Variants in GOLGA1 observed in about 807,000 individuals in gnomAD.
The protein encoded by GOLGA1 is golgin subfamily A member 1.
GOLGA1 carries 63 observed loss-of-function variants against 119.7 expected under a neutral mutation model. The ratio of observed to expected loss-of-function variants is 0.53; its 90% confidence interval spans 0.43 to 0.65. The LOEUF is 0.65. GOLGA1 is among the 30% of genes least tolerant of loss of function. GOLGA1 has a pLI of 0.00. For missense variants in GOLGA1, 798 were observed against 912.8 expected (o/e 0.87, Z 1.62); for synonymous variants, 318 against 333.4 (o/e 0.95, Z 0.50).
Position 124,931,360 on chromosome 9 carries a change from A to G in GOLGA1, c.182T>C (p.Leu61Pro), listed in dbSNP as rs763976726. The part of the protein sequence containing the change: ...SSREDLSSQL[L>P]RRNEQIRKLE... ...CTTCCGTATCTGTTCATTCCTTCTC[A>G]GAAGCTGGGATGAAAGATCTTCTCT... is the stretch of plus-strand genomic sequence containing the variant. Residue 61 changes from leucine to proline, a missense_variant, in exon 4 of 23, where the codon CTG (leucine) becomes CCG (proline). Transcript: ENST00000373555. 6.3e-7 allele frequency: 1 copy of G among 1,599,322 alleles called. No individual in the cohort carries two copies. The highest frequency in any genetic ancestry group is 8.6e-7 in the Non-Finnish European group (1 of 1,166,636).
chr9:124,942,778 T>C (rs1831078499), upstream of GOLGA1: 1 of 152,326 alleles, frequency 6.6e-6, no homozygotes, highest in South Asian at 2.1e-4. Flanking sequence ...AAATCAAATA[T>C]TCTCTAATCT....
intron 19 of GOLGA1, among the ~76,000 whole-genome samples, chr9:124,883,354 C>T (rs1402448586): frequency 2.6e-5 from 4 of 152,138 alleles, no homozygotes; most frequent in East Asian, 1.9e-4. Flanking sequence ...GGTGCAATCT[C>T]GGCTCACTGC....
intron 10 of GOLGA1, among the ~76,000 whole-genome samples, chr9:124,917,603 T>G: frequency 6.6e-6 from 1 of 152,186 alleles, no homozygotes; most frequent in East Asian, 1.9e-4. Flanking sequence ...TGCAAAAGCT[T>G]CCTAAGTGGA....
chr9:124,932,953 T>C (rs1184147136), intron 3 of GOLGA1, among the ~76,000 whole-genome samples: 1 of 152,166 alleles, frequency 6.6e-6, no homozygotes, highest in African/African-American at 2.4e-5. Context: ...CACCTCCTCA[T>C]TCCATCACTC....
chr9:124,883,243 C>T (rs1054661365), intron 19 of GOLGA1, among the ~76,000 whole-genome samples: 1 of 148,446 alleles, frequency 6.7e-6, no homozygotes, highest in African/African-American at 2.5e-5. Flanking sequence ...ATTACAGGCA[C>T]ACACCACCAT....
intron 6 of GOLGA1, among the ~76,000 whole-genome samples, 165 bp from the exon 7 acceptor site, chr9:124,926,906 G>A (rs1330115392): frequency 1.3e-5 from 2 of 151,938 alleles, no homozygotes; most frequent in Non-Finnish European, 2.9e-5. Context: ...TATTAAGAAA[G>A]GCAAGAGTCA....
rs1203367220 is a variant in GOLGA1 at position 124,888,047 on chromosome 9, G to A, written c.1905+206C>T. ...ACACTTGTCCAGTTCTCCAGGGGGT[G>A]GGGAGAAGAGGGCTGGGGAGGGTGT... is the stretch of plus-strand genomic sequence containing the variant. On this transcript the variant is annotated intron_variant, in intron 19 of 22. Coordinates refer to ENST00000373555, the MANE Select transcript of GOLGA1 (RefSeq NM_002077.4). The surrounding 1 kb of genome is among the most constrained non-coding windows in gnomAD (Gnocchi z 4.4). 1.3e-5 allele frequency among the ~76,000 whole-genome samples: 2 copies of A among 152,148 alleles called. No homozygotes were observed. The highest frequency in any genetic ancestry group is 2.9e-5 in the Non-Finnish European group (2 of 68,020).
chr9:124,915,983 T>G (rs1449838532), intron 10 of GOLGA1, among the ~76,000 whole-genome samples: 1 of 148,750 alleles, frequency 6.7e-6, no homozygotes, highest in Admixed American at 6.8e-5. Flanking sequence ...GTGCCTATAG[T>G]CCCAGCTACT....
chr9:124,880,692 G>C (rs1829557584), intron 22 of GOLGA1, 82 bp from the exon 23 acceptor site: 2 of 847,462 alleles, frequency 2.4e-6, no homozygotes, highest in South Asian at 2.7e-5. Flanking sequence ...CCCCTCCCGT[G>C]AGCCTGTCAC....
intron 12 of GOLGA1, among the ~76,000 whole-genome samples, chr9:124,907,066 A>G (rs750868467): frequency 5.3e-5 from 8 of 152,260 alleles, no homozygotes; most frequent in Non-Finnish European, 1.2e-4. Flanking sequence ...ACCTTTGAAA[A>G]AAAAAGAGAA....
intron 19 of GOLGA1, among the ~76,000 whole-genome samples, chr9:124,884,002 T>C (rs1046241703): frequency 6.6e-6 from 1 of 152,036 alleles, no homozygotes; most frequent in Non-Finnish European, 1.5e-5. Context: ...AACTTCATAA[T>C]ATAGGGAAAA....
At chr9:124,895,729 ATCCACAACAGAGATCC>A (rs1298003524) in intron 15 of GOLGA1, among the ~76,000 whole-genome samples, 3 of 139,110 alleles carry the variant, frequency 2.2e-5, no homozygotes, top group African/African-American at 5.5e-5. Context: ...ACACAGAACC[ATCCACAACAGAGATCC>A]TCCACAACAG....
In GOLGA1 at chr9:124,908,374, T is replaced by C. The variant is rs376439929; in HGVS notation, c.1065+3A>G. The C allele has an allele frequency of 5.2e-6, 8 of 1,528,820 alleles. No individual in the cohort carries two copies. The highest frequency in any genetic ancestry group is 7.3e-6 in the Non-Finnish European group (8 of 1,102,160). The allele number at this position is 1,528,820 out of a possible 1,614,324, so 94.7% of individuals were successfully genotyped here. A position where few individuals can be genotyped will look rare whatever the true frequency, so the allele number is the denominator to read the frequency against. ...TAGGAAACACCAGGAGTAAGGTCAG[T>C]ACCCGAGTCTCCAGGGTGTTAATGG... On this transcript the variant is annotated splice_donor_region_variant and intron_variant, in intron 12 of 22. Coordinates refer to ENST00000373555, the MANE Select transcript of GOLGA1 (RefSeq NM_002077.4).
At chr9:124,926,359 C>T (rs958678742) in intron 7 of GOLGA1, among the ~76,000 whole-genome samples, 2 of 152,158 alleles carry the variant, frequency 1.3e-5, no homozygotes, top group Non-Finnish European at 2.9e-5. Flanking sequence ...AACATCCTGA[C>T]CACATCTTCT....
Position 124,924,427 on chromosome 9 carries a change from G to A in GOLGA1, c.433-1204C>T, listed in dbSNP as rs1007254103. ...GGCCTATCGGTTGAGCACAGGAGTT[G>A]GAGACCAGCCTGCGCAACATGGTGA... On this transcript the variant is annotated intron_variant, in intron 7 of 22. Transcript: ENST00000373555. 3.3e-5 allele frequency among the ~76,000 whole-genome samples: 5 copies of A among 151,484 alleles called. No homozygotes were observed. The South Asian group carries it at 8.4e-4, about 25-fold the overall frequency.
intron 7 of GOLGA1, among the ~76,000 whole-genome samples, chr9:124,924,740 G>A (rs374878778): frequency 6.9e-6 from 1 of 144,206 alleles, no homozygotes; most frequent in Non-Finnish European, 1.5e-5. Flanking sequence ...AAACTTTAAC[G>A]ATGAAAAGTA....
At chr9:124,913,608 A>G (rs1830381399) in intron 10 of GOLGA1, among the ~76,000 whole-genome samples, 1 of 152,222 alleles carries the variant, frequency 6.6e-6, no homozygotes, top group African/African-American at 2.4e-5. Flanking sequence ...CAACAGAGAT[A>G]GTGGAGGGGA....
At chr9:124,912,083 G>C in intron 10 of GOLGA1, 57 bp from the exon 11 acceptor site, 1 of 1,532,490 alleles carries the variant, frequency 6.5e-7, no homozygotes, top group Non-Finnish European at 8.9e-7. Context: ...CTTCCTTCCT[G>C]CTTTCTTTTG....
At chr9:124,893,376 A>G (rs1435081116) in intron 15 of GOLGA1, among the ~76,000 whole-genome samples, 1 of 152,122 alleles carries the variant, frequency 6.6e-6, no homozygotes, top group Non-Finnish European at 1.5e-5. Flanking sequence ...TTTGTCTTTT[A>G]TCTCCTTAAA....
Sources: gnomAD v4.1 joint callset for allele counts (sites outside exome capture counted in the v4.1 genomes callset) on GRCh38, gnomAD v4.1.1 for gene constraint, Gnocchi (gnomAD v3.1) non-coding constraint, MANE v1.5 for transcripts, NCBI Gene and HGNC (gene_info 2026-07-23, HGNC 2026-07-21) for gene names.